Variants in PDS5B observed in about 807,000 individuals in gnomAD.
PDS5B encodes the protein PDS5 cohesin associated factor B.
PDS5B carries 51 observed loss-of-function variants against 184.1 expected under a neutral mutation model. That is an observed-to-expected ratio of 0.28 (90% confidence interval 0.22 to 0.35). The LOEUF (loss-of-function observed/expected upper bound fraction) is 0.35, where lower values mean the gene tolerates loss of function less well. Ranked by LOEUF, PDS5B falls within the 10% of genes least tolerant of loss-of-function variation. The pLI is 1.00. For missense variants in PDS5B, 1,180 were observed against 1,723.3 expected (o/e 0.68, Z 5.58); for synonymous variants, 566 against 569.2 (o/e 0.99, Z 0.08).
chr13:32,637,755 T>C (rs1168057292), intron 1 of PDS5B, among the ~76,000 whole-genome samples: 1 of 152,072 alleles, frequency 6.6e-6, no homozygotes, highest in African/African-American at 2.4e-5. Context: ...AGGAAAATAA[T>C]GTTTCAAGGA....
intron 24 of PDS5B, among the ~76,000 whole-genome samples, chr13:32,751,755 C>T (rs536433462): frequency 6.6e-6 from 1 of 151,984 alleles, no homozygotes; most frequent in Non-Finnish European, 1.5e-5. Context: ...GGATATTAGA[C>T]TTTTGTTGGA....
At chr13:32,634,097 G>A (rs1454891505) in intron 1 of PDS5B, among the ~76,000 whole-genome samples, 1 of 152,032 alleles carries the variant, frequency 6.6e-6, no homozygotes, top group Non-Finnish European at 1.5e-5. Context: ...GCTTCAGTGA[G>A]CCTCTTGCAG....
chr13:32,703,208 C>A (rs1951912966), intron 17 of PDS5B, among the ~76,000 whole-genome samples: 1 of 152,022 alleles, frequency 6.6e-6, no homozygotes, highest in Admixed American at 6.6e-5. Context: ...TTAATCTGCT[C>A]AGATTGTATA....
intron 1 of PDS5B, among the ~76,000 whole-genome samples, chr13:32,643,445 T>G (rs1258088942): frequency 6.6e-6 from 1 of 152,144 alleles, no homozygotes; most frequent in Admixed American, 6.5e-5. Flanking sequence ...TTTAAAAAAC[T>G]TAGATATGAA....
chr13:32,751,025 C>T (rs1953964609), intron 24 of PDS5B, among the ~76,000 whole-genome samples: 1 of 152,076 alleles, frequency 6.6e-6, no homozygotes, highest in South Asian at 2.1e-4. Context: ...TCCATCTTCA[C>T]CCTCCTACCC....
At chr13:32,767,963 C>T (rs1566428945) in intron 31 of PDS5B, among the ~76,000 whole-genome samples, 2 of 151,990 alleles carry the variant, frequency 1.3e-5, no homozygotes, top group Non-Finnish European at 2.9e-5. Context: ...TATTCTTGTT[C>T]AAAACATATA....
chr13:32,640,677 G>T (rs1274807751), intron 1 of PDS5B, among the ~76,000 whole-genome samples: 1 of 152,138 alleles, frequency 6.6e-6, no homozygotes, highest in East Asian at 1.9e-4. Context: ...CCCTTTGAAA[G>T]AAGGGAAATT....
chr13:32,632,184 CT>C (rs2058467125), intron 1 of PDS5B, among the ~76,000 whole-genome samples: 1 of 152,012 alleles, frequency 6.6e-6, no homozygotes, highest in Admixed American at 6.6e-5. Context: ...ATATATTGGA[CT>C]TTATAAAAAT....
chr13:32,768,947 C>CAAAAAAAAA (rs770324221), intron 31 of PDS5B, among the ~76,000 whole-genome samples: 107 of 84,504 alleles, frequency 1.3e-3, no homozygotes, highest in African/African-American at 3.1e-3. Flanking sequence ...TAAAAAAATA[C>CAAAAAAAAA]AAAAAAAAAA....
At chr13:32,760,136 TA>T (rs1954327180) in intron 29 of PDS5B, among the ~76,000 whole-genome samples, 1 of 152,158 alleles carries the variant, frequency 6.6e-6, no homozygotes, top group African/African-American at 2.4e-5. Context: ...TTTGTATTTT[TA>T]GTAGAGACGG....
intron 1 of PDS5B, among the ~76,000 whole-genome samples, chr13:32,601,555 A>G (rs2057975005): frequency 6.6e-6 from 1 of 152,222 alleles, no homozygotes. Context: ...GACACATGGT[A>G]CCAGGTGATA....
intron 23 of PDS5B, among the ~76,000 whole-genome samples, chr13:32,745,734 A>T (rs1431916923): frequency 1.3e-5 from 2 of 152,086 alleles, no homozygotes; most frequent in East Asian, 3.9e-4. Context: ...TTTTAAAGAC[A>T]CTAATCCCAT....
At chr13:32,694,819 TATCA>T (rs962439052) in intron 14 of PDS5B, among the ~76,000 whole-genome samples, 4 of 150,482 alleles carry the variant, frequency 2.7e-5, no homozygotes, top group African/African-American at 9.7e-5. Context: ...TTTTATCTTT[TATCA>T]ATCATTTAGA....
In PDS5B at chr13:32,599,783, C is replaced by T. The variant is rs189218090; in HGVS notation, c.-20+13190C>T. On this transcript the variant is annotated intron_variant, in intron 1 of 34. Coordinates refer to ENST00000315596, the MANE Select transcript of PDS5B (RefSeq NM_015032.4). The stretch of plus-strand genomic sequence containing the variant: ...AAAAGAAATTAGCCAGGCGTGGTGG[C>T]GGGTGCCTGTAGTTCCAGCTACTTG... 4.6e-3 allele frequency among the ~76,000 whole-genome samples: 694 copies of T among 151,944 alleles called. 7 individuals are homozygous for T. The highest frequency in any genetic ancestry group is 0.015 in the African/African-American group (637 of 41,462).
At chr13:32,593,588 G>C (rs753788713) in intron 1 of PDS5B, among the ~76,000 whole-genome samples, 2 of 152,180 alleles carry the variant, frequency 1.3e-5, no homozygotes, top group African/African-American at 4.8e-5. Flanking sequence ...TGATCCGCCC[G>C]CCTTGGCCTC....
chr13:32,759,280 T>C (rs753348759), intron 28 of PDS5B, among the ~76,000 whole-genome samples: 1 of 152,286 alleles, frequency 6.6e-6, no homozygotes, highest in South Asian at 2.1e-4. Flanking sequence ...GGAACAGGCC[T>C]GTAGGATTGC....
intron 21 of PDS5B, among the ~76,000 whole-genome samples, chr13:32,736,444 A>T (rs575197939): frequency 3.3e-5 from 5 of 151,978 alleles, no homozygotes; most frequent in Non-Finnish European, 7.4e-5. Flanking sequence ...ATTTGAATAT[A>T]TTATTCTATT....
Position 32,687,231 on chromosome 13 carries a change from C to T in PDS5B, c.1301C>T (p.Ala434Val). ...AAGKDAAKQI[A>V]WIKDKLLHIY... Reference sequence around the variant, plus strand: ...GGAAAAGATGCTGCAAAACAGATAGCATGGATCAAAGACAAATTGCTACAT... The same window carrying T: ...GGAAAAGATGCTGCAAAACAGATAGTATGGATCAAAGACAAATTGCTACAT... The change falls in exon 12 of 35, where the codon GCA becomes GTA. Residue 434 changes from alanine (A) to valine (V), a missense_variant. Coordinates refer to ENST00000315596, the MANE Select transcript of PDS5B (RefSeq NM_015032.4). 3 of 1,606,060 alleles carry T rather than the reference C, an allele frequency of 1.9e-6. 1 individual carries two copies. The South Asian group carries it at 3.4e-5, about 18-fold the overall frequency.
intron 1 of PDS5B, among the ~76,000 whole-genome samples, chr13:32,640,076 C>T (rs1403480168): frequency 2.6e-5 from 4 of 152,134 alleles, no homozygotes; most frequent in African/African-American, 9.7e-5. Flanking sequence ...TTTTTTACTA[C>T]AGTCTCTTGT....
Sources: allele counts gnomAD v4.1 joint callset (sites outside exome capture counted in the v4.1 genomes callset), GRCh38; gene constraint gnomAD v4.1.1; transcripts MANE v1.5; gene names NCBI Gene and HGNC (gene_info 2026-07-23, HGNC 2026-07-21).